Variants in ZNF280A observed in about 807,000 individuals in gnomAD.
ZNF280A encodes suppressor of hairy wing homolog 1.
Under a neutral mutation model 35.9 loss-of-function variants are expected in ZNF280A, and 26 were observed. That is an observed-to-expected ratio of 0.72 (90% CI 0.53 to 1.01). The LOEUF is 1.01. Among genes scored for constraint, ZNF280A ranks in the 50% least tolerant of loss-of-function variants. ZNF280A has a pLI of 0.00. For synonymous variants in ZNF280A, 231 were observed against 232.9 expected (o/e 0.99, Z 0.07); for missense variants, 654 against 652.0 (o/e 1.00, Z -0.03).
chr22:22,517,551 A>G (rs2062086382), intron 1 of ZNF280A, among the ~76,000 whole-genome samples: 1 of 151,944 alleles, frequency 6.6e-6, no homozygotes, highest in African/African-American at 2.4e-5. Flanking sequence ...TTGAAACAAA[A>G]GTTTTGTCAA....
In ZNF280A at chr22:22,516,296, AGC is replaced by A. The variant is rs1491251400; in HGVS notation, c.-71-597_-71-596del. Among the ~76,000 whole-genome samples the A allele has an allele frequency of 3.3e-3, 490 of 149,388 alleles. 3 individuals are homozygous for A. The highest frequency in any genetic ancestry group is 0.012 in the African/African-American group (465 of 40,264). On this transcript the variant is annotated intron_variant, in intron 1 of 1. Coordinates refer to ENST00000302097, the MANE Select transcript of ZNF280A (RefSeq NM_080740.5). ...ACAAACACACACACACACAAATCAC[AGC>A]ACACACACACACACACACCCTTTGC...
At chr22:22,519,763 G>A (rs558058031) in intron 1 of ZNF280A, among the ~76,000 whole-genome samples, 3 of 152,014 alleles carry the variant, frequency 2.0e-5, no homozygotes, top group South Asian at 4.2e-4. Context: ...TACAGAGAGC[G>A]CAGCCAGCCA....
Position 22,514,455 on chromosome 22 carries a change from C to A in ZNF280A, c.1176G>T (p.Met392Ile), listed in dbSNP as rs1450169578. ...HMKDHHKPGE[M>I]PYVCQVCHYR... is the part of the protein sequence containing the mutation. ...AATGGCAAACCTGGCACACATAAGGCATTTCGCCAGGCTTATGATGGTCCT... is the reference window on the plus strand; with the variant it reads ...AATGGCAAACCTGGCACACATAAGGAATTTCGCCAGGCTTATGATGGTCCT... The change falls in exon 2 of 2, where the codon ATG becomes ATT. Residue 392 changes from methionine (M) to isoleucine (I), a missense_variant. By Grantham distance (10) the Met-to-Ile change is conservative (BLOSUM62 1). Coordinates refer to ENST00000302097, the MANE Select transcript of ZNF280A (RefSeq NM_080740.5). 4 of 1,613,840 alleles carry A rather than the reference C, an allele frequency of 2.5e-6. No homozygotes were observed. The highest frequency in any genetic ancestry group is 3.4e-6 in the Non-Finnish European group (4 of 1,179,996).
At chr22:22,519,147 T>C (rs539136769) in intron 1 of ZNF280A, among the ~76,000 whole-genome samples, 8 of 151,958 alleles carry the variant, frequency 5.3e-5, no homozygotes, top group African/African-American at 1.2e-4. Flanking sequence ...ATAAAAGATA[T>C]GTGAGATAGG....
At chr22:22,517,783 C>T (rs1364068367) in intron 1 of ZNF280A, among the ~76,000 whole-genome samples, 1 of 150,224 alleles carries the variant, frequency 6.7e-6, no homozygotes, top group Non-Finnish European at 1.5e-5. Flanking sequence ...ATCTCAGATC[C>T]TTTTGTGAGG....
intron 1 of ZNF280A, among the ~76,000 whole-genome samples, chr22:22,516,794 T>C (rs567606398): frequency 6.6e-6 from 1 of 151,918 alleles, no homozygotes; most frequent in Non-Finnish European, 1.5e-5. Context: ...GCCTTTTTCT[T>C]TTTCAGAACT....
rs1226954210 is a variant in ZNF280A at position 22,514,440 on chromosome 22, C to T, written c.1191G>A (p.Gln397=). ...AGACCGACGATCTGTAATGGCAAAC[C>T]TGGCACACATAAGGCATTTCGCCAG... ...HKPGEMPYVC[Q]VCHYRSSVFA... The change falls in exon 2 of 2, where the codon CAG becomes CAA. Residue 397 remains glutamine, a synonymous_variant. Transcript: ENST00000302097. The T allele has an allele frequency of 6.2e-7, 1 of 1,613,684 alleles. No individual in the cohort carries two copies. The highest frequency in any genetic ancestry group is 1.7e-5 in the Admixed American group (1 of 59,960).
At chr22:22,517,480 C>A (rs1486536961) in intron 1 of ZNF280A, among the ~76,000 whole-genome samples, 1 of 151,850 alleles carries the variant, frequency 6.6e-6, no homozygotes, top group Non-Finnish European at 1.5e-5. Context: ...AAATCCAAAT[C>A]CAAATGATTT....
Position 22,515,173 on chromosome 22 carries a change from A to G in ZNF280A, c.458T>C (p.Val153Ala), listed in dbSNP as rs753010574. The change falls in exon 2 of 2, where the codon GTC (valine) becomes GCC (alanine). Residue 153 changes from valine to alanine, a missense_variant. Val to Ala is a moderately conservative substitution (Grantham distance 64). Coordinates refer to ENST00000302097, the MANE Select transcript of ZNF280A (RefSeq NM_080740.5). ...PGTQCLVGAM[V>A]SGGGRNESSP... is the part of the protein sequence containing the mutation. ...ACTCTCATTTCTGCCTCCTCCAGAG[A>G]CCATAGCTCCAACTAGACACTGAGT... 1 of 1,613,898 alleles carries G rather than the reference A, an allele frequency of 6.2e-7. No homozygotes were observed.
intron 1 of ZNF280A, 72 bp from the exon 2 acceptor site, chr22:22,515,773 C>T: frequency 7.7e-7 from 1 of 1,300,434 alleles, no homozygotes; most frequent in Middle Eastern, 2.8e-4. Context: ...TGTATCCTCC[C>T]TTAAAACACT....
rs1418188164 is a variant in ZNF280A, at chr22:22,515,603, C to T, written c.28G>A (p.Val10Met). The T allele has an allele frequency of 6.3e-7, 1 of 1,594,268 alleles. No individual in the cohort carries two copies. Among genetic ancestry groups the T allele is most frequent in the East Asian group, 2.2e-5 (1 of 44,632 alleles). Residue 10 changes from valine (V) to methionine (M), a missense_variant, in exon 2 of 2, where the codon GTG becomes ATG. By Grantham distance (21) the Val-to-Met change is conservative. Coordinates refer to ENST00000302097, the MANE Select transcript of ZNF280A (RefSeq NM_080740.5). ...CTCAAATTCTTCTTTGGTGATTCCA[C>T]TTTCTTACACAAAAAGATATCTCCC... MGDIFLCKK[V>M]ESPKKNLRES...
In ZNF280A at chr22:22,513,953, A is replaced by T; in HGVS notation, c.*49T>A. The T allele has an allele frequency of 9.6e-7, 1 of 1,046,780 alleles. No individual in the cohort carries two copies. The highest frequency in any genetic ancestry group is 1.4e-6 in the Non-Finnish European group (1 of 697,988). 64.8% of individuals were successfully genotyped at this position (1,046,780 alleles called of 1,614,324 possible). A position where few individuals can be genotyped will look rare whatever the true frequency, so the allele number is the denominator to read the frequency against. On this transcript the variant is annotated 3_prime_UTR_variant, in exon 2 of 2. Transcript: ENST00000302097. ...TACAGCCACAATGCACATATGGCCT[A>T]GCCTCACTTCTGCCTTTCGGAACTC...
intron 1 of ZNF280A, among the ~76,000 whole-genome samples, chr22:22,517,143 G>A (rs1040716287): frequency 1.4e-4 from 22 of 151,896 alleles, no homozygotes; most frequent in African/African-American, 2.4e-4. Context: ...GCAGTGGCTC[G>A]TACCTGTAAT....
chr22:22,514,550 C>T lies in ZNF280A; in HGVS notation c.1081G>A (p.Gly361Arg). Residue 361 changes from glycine to arginine, a missense_variant, in exon 2 of 2, where the codon GGG (glycine) becomes AGG (arginine). By Grantham distance (125) the Gly-to-Arg change is moderately radical (BLOSUM62 -2). Transcript: ENST00000302097. ...CHIDSVHIAM[G>R]PSAVCKICEL... ...CAGATTTTACAGACAGCAGAGGGCC[C>T]CATGGCGATGTGTACACTATCAATG... 2 of 1,613,904 alleles carry T rather than the reference C, an allele frequency of 1.2e-6. No homozygotes were observed. Among genetic ancestry groups the T allele is most frequent in the South Asian group, 2.2e-5 (2 of 91,072 alleles).
At position 22,515,171 on chromosome 22, in the gene ZNF280A, A is replaced by T; in HGVS notation, c.460T>A (p.Ser154Thr). ...GTQCLVGAMV[S>T]GGGRNESSPD... Reference sequence around the variant, plus strand: ...GAACTCTCATTTCTGCCTCCTCCAGAGACCATAGCTCCAACTAGACACTGA... The same window carrying T: ...GAACTCTCATTTCTGCCTCCTCCAGTGACCATAGCTCCAACTAGACACTGA... The change falls in exon 2 of 2, where the codon TCT (serine) becomes ACT (threonine). Residue 154 changes from serine (S) to threonine (T), a missense_variant. Transcript: ENST00000302097. 6.2e-7 allele frequency: 1 copy of T among 1,613,922 alleles called. No individual in the cohort carries two copies. Among genetic ancestry groups the T allele is most frequent in the Non-Finnish European group, 8.5e-7 (1 of 1,179,980 alleles).
Position 22,514,152 on chromosome 22 carries a change from A to G in ZNF280A, c.1479T>C (p.Ile493=). ...ATCCTGGCTGAACTGAAGTTTGAAT[A>G]ATAACTTTTGTTTCACTAGGCAACC... ...LQGLPSETKV[I]IQTSVQPGSS... Residue 493 remains isoleucine (I), a synonymous_variant, in exon 2 of 2, where the codon ATT becomes ATC. Coordinates refer to ENST00000302097, the MANE Select transcript of ZNF280A (RefSeq NM_080740.5). The G allele has an allele frequency of 1.9e-6, 3 of 1,613,916 alleles. No individual in the cohort carries two copies. Among genetic ancestry groups the G allele is most frequent in the Non-Finnish European group, 2.5e-6 (3 of 1,179,970 alleles).
Position 22,514,253 on chromosome 22 carries a change from A to C in ZNF280A, c.1378T>G (p.Phe460Val), listed in dbSNP as rs2062042039. 2 of 1,613,786 alleles carry C rather than the reference A, an allele frequency of 1.2e-6. No homozygotes were observed. The highest frequency in any genetic ancestry group is 1.7e-6 in the Non-Finnish European group (2 of 1,179,962). Residue 460 changes from phenylalanine to valine, a missense_variant, in exon 2 of 2, where the codon TTT (phenylalanine) becomes GTT (valine). By Grantham distance (50) the Phe-to-Val change is conservative. Coordinates refer to ENST00000302097, the MANE Select transcript of ZNF280A (RefSeq NM_080740.5). ...VLQCSKCRLQ[F>V]LTLKEEIEHK... Reference sequence around the variant, plus strand: ...TCTATTTCCTCCTTCAACGTCAAAAACTGTAGCCGGCACTTGGAACACTGA... The same window carrying C: ...TCTATTTCCTCCTTCAACGTCAAAACCTGTAGCCGGCACTTGGAACACTGA...
intron 1 of ZNF280A, among the ~76,000 whole-genome samples, chr22:22,519,435 A>G (rs2062114051): frequency 6.6e-6 from 1 of 152,022 alleles, no homozygotes; most frequent in Non-Finnish European, 1.5e-5. Flanking sequence ...CTCCGTTTCA[A>G]AAAAATAAAT....
At position 22,515,306 on chromosome 22, in the gene ZNF280A, G is replaced by GC. The variant is rs1355193735; in HGVS notation, c.324dup (p.Arg109AlafsTer5). 1 of 1,613,800 alleles carries GC rather than the reference G, an allele frequency of 6.2e-7. No individual in the cohort carries two copies. The highest frequency in any genetic ancestry group is 8.5e-7 in the Non-Finnish European group (1 of 1,179,950). On this transcript the variant is annotated frameshift_variant, in exon 2 of 2. Coordinates refer to ENST00000302097, the MANE Select transcript of ZNF280A (RefSeq NM_080740.5). LOFTEE classifies it high-confidence loss of function. ...ATAGTGACAGGACTATCTGTCGATC[G>GC]CCCCTCAGACAGAGAAACCGGCATG...
Sources: gnomAD v4.1 joint callset for allele counts (sites outside exome capture counted in the v4.1 genomes callset) on GRCh38, gnomAD v4.1.1 for gene constraint, MANE v1.5 for transcripts, NCBI Gene and HGNC (gene_info 2026-07-23, HGNC 2026-07-21) for gene names.